The following TRPM3 variants were observed in gnomAD, a reference collection of about 807,000 sequenced individuals.
TRPM3 encodes the protein long transient receptor potential channel 3.
In TRPM3, 77 loss-of-function variants were observed where a neutral mutation model predicts 181.2. That is an observed-to-expected ratio of 0.42 (90% confidence interval 0.35 to 0.51). The LOEUF is 0.51. Among genes scored for constraint, TRPM3 ranks in the 20% least tolerant of loss-of-function variants. TRPM3 has a pLI of 0.01. For missense variants in TRPM3, 1,759 were observed against 2,196.7 expected (o/e 0.80, Z 3.98); for synonymous variants, 745 against 796.4 (o/e 0.94, Z 1.09).
intron 8 of TRPM3, among the ~76,000 whole-genome samples, chr9:70,701,691 C>T (rs2072630090): frequency 6.6e-6 from 1 of 152,088 alleles, no homozygotes; most frequent in African/African-American, 2.4e-5. Context: ...TGATCTCTTT[C>T]TGCTAATCTC....
At chr9:70,769,772 AGAT>A (rs75992753) in intron 7 of TRPM3, among the ~76,000 whole-genome samples, 56,251 of 151,862 alleles carry the variant, frequency 0.37, 12,702 homozygotes, top group East Asian at 0.5. Context: ...TTACTCTAGT[AGAT>A]GATGAACTTT....
At chr9:71,404,168 T>C (rs1354503279) in intron 1 of TRPM3, among the ~76,000 whole-genome samples, 1 of 152,196 alleles carries the variant, frequency 6.6e-6, no homozygotes, top group African/African-American at 2.4e-5. Context: ...ATTGCAAGAA[T>C]GATAAAAATG....
intron 1 of TRPM3, among the ~76,000 whole-genome samples, chr9:71,411,192 C>T (rs1042266253): frequency 6.6e-6 from 1 of 152,200 alleles, no homozygotes; most frequent in Non-Finnish European, 1.5e-5. Flanking sequence ...AAAACTGGCA[C>T]AAGACAGTGA....
At chr9:70,627,265 C>CTTTTTT (rs1175860330) in intron 12 of TRPM3, among the ~76,000 whole-genome samples, 9 of 79,578 alleles carry the variant, frequency 1.1e-4, no homozygotes, top group East Asian at 4.7e-4. Flanking sequence ...TCCATTGCTG[C>CTTTTTT]TTTTTTTTTT....
At chr9:71,067,320 T>C (rs551141387) in intron 1 of TRPM3, among the ~76,000 whole-genome samples, 38 of 152,330 alleles carry the variant, frequency 2.5e-4, no homozygotes, top group South Asian at 1.0e-3. Flanking sequence ...TATTGCATGA[T>C]CCAGAGATAA....
At chr9:71,264,467 A>G (rs1249620887) in intron 1 of TRPM3, among the ~76,000 whole-genome samples, 1 of 152,182 alleles carries the variant, frequency 6.6e-6, no homozygotes, top group East Asian at 1.9e-4. Context: ...AGTCTCAGTA[A>G]GCGATCCAAA....
intron 1 of TRPM3, among the ~76,000 whole-genome samples, chr9:71,157,840 A>G (rs1759462795): frequency 6.6e-6 from 1 of 152,136 alleles, no homozygotes; most frequent in Non-Finnish European, 1.5e-5. Flanking sequence ...GGAGGAATCA[A>G]GTAGCTTAGG....
intron 14 of TRPM3, among the ~76,000 whole-genome samples, chr9:70,623,288 C>A (rs906067474): frequency 6.6e-6 from 1 of 151,442 alleles, no homozygotes; most frequent in Non-Finnish European, 1.5e-5. Flanking sequence ...ATTGCTTGAA[C>A]CTGGGAGGTG....
intron 1 of TRPM3, among the ~76,000 whole-genome samples, chr9:70,923,834 A>C (rs1378291791): frequency 4.7e-4 from 66 of 141,454 alleles, no homozygotes; most frequent in South Asian, 1.4e-3. Context: ...CTCTCTATAT[A>C]TATATATATA....
chr9:71,038,390 G>C (rs1455897926), intron 1 of TRPM3, among the ~76,000 whole-genome samples: 1 of 152,118 alleles, frequency 6.6e-6, no homozygotes, highest in Non-Finnish European at 1.5e-5. Flanking sequence ...ATTTTTACTG[G>C]CCTTAGTTAG....
intron 1 of TRPM3, among the ~76,000 whole-genome samples, chr9:70,956,013 C>T (rs1325319080): frequency 6.6e-6 from 1 of 152,150 alleles, no homozygotes; most frequent in Non-Finnish European, 1.5e-5. Flanking sequence ...CTCATACCTA[C>T]TGAATGAGTT....
intron 1 of TRPM3, among the ~76,000 whole-genome samples, chr9:71,328,325 G>A (rs1203968215): frequency 2.6e-5 from 4 of 152,036 alleles, no homozygotes; most frequent in African/African-American, 9.7e-5. Context: ...CACCACGCCC[G>A]GCTAATTTTT....
At chr9:70,983,226 C>T (rs565391560) in intron 1 of TRPM3, among the ~76,000 whole-genome samples, 1 of 152,156 alleles carries the variant, frequency 6.6e-6, no homozygotes, top group South Asian at 2.1e-4. Context: ...TCCTATCACC[C>T]CCATCATACT....
intron 1 of TRPM3, among the ~76,000 whole-genome samples, chr9:71,052,030 A>G (rs1428051489): frequency 6.6e-6 from 1 of 152,130 alleles, no homozygotes; most frequent in African/African-American, 2.4e-5. Flanking sequence ...TCTGCACTTC[A>G]TATTAGAGAA....
intron 1 of TRPM3, among the ~76,000 whole-genome samples, chr9:71,024,394 G>C (rs1267700352): frequency 6.6e-6 from 1 of 152,150 alleles, no homozygotes; most frequent in Non-Finnish European, 1.5e-5. Flanking sequence ...GTAGTACTGG[G>C]TGAGGCAAAG....
chr9:70,634,044 G>A (rs1486468188), intron 12 of TRPM3, among the ~76,000 whole-genome samples: 2 of 152,166 alleles, frequency 1.3e-5, no homozygotes, highest in African/African-American at 4.8e-5. Flanking sequence ...ACTTGGCTAA[G>A]ATTAAACAGA....
intron 16 of TRPM3, 124 bp downstream of exon 16, chr9:70,619,952 G>A: frequency 3.4e-6 from 3 of 879,638 alleles, no homozygotes; most frequent in Admixed American, 5.5e-5. Flanking sequence ...TGTCCATCCT[G>A]TGTGTGCATC....
At chr9:70,768,610 T>A (rs1398668716) in intron 7 of TRPM3, among the ~76,000 whole-genome samples, 6 of 146,686 alleles carry the variant, frequency 4.1e-5, no homozygotes, top group African/African-American at 7.3e-5. Flanking sequence ...TTTTTTTTTT[T>A]AAACTCAAAG....
At chr9:71,378,673 G>A (rs1487148322) in intron 1 of TRPM3, among the ~76,000 whole-genome samples, 4 of 151,978 alleles carry the variant, frequency 2.6e-5, no homozygotes, top group Non-Finnish European at 5.9e-5. Flanking sequence ...GTGTTTCTAT[G>A]TTGTCACTAT....
Sources: allele counts gnomAD v4.1 joint callset (sites outside exome capture counted in the v4.1 genomes callset), GRCh38; gene constraint gnomAD v4.1.1; transcripts MANE v1.5; gene names NCBI Gene and HGNC (gene_info 2026-07-23, HGNC 2026-07-21).